NCAM2: variants seen among roughly 807,000 people sequenced by gnomAD.
NCAM2 encodes neural cell adhesion molecule 2, also known as N-CAM-2.
A neutral mutation model predicts 98.1 loss-of-function variants in NCAM2; 30 were observed. The observed-to-expected ratio is 0.31, with a 90% CI of 0.23 to 0.41. The LOEUF is 0.41. Ranked by LOEUF, NCAM2 falls within the 10% of genes least tolerant of loss-of-function variation. NCAM2 has a pLI of 1.00. For synonymous variants in NCAM2, 368 were observed against 342.4 expected (o/e 1.07, Z -0.83); for missense variants, 867 against 1,005.8 (o/e 0.86, Z 1.87).
intron 1 of NCAM2, among the ~76,000 whole-genome samples, chr21:21,226,401 A>G (rs2070385279): frequency 6.6e-6 from 1 of 152,146 alleles, no homozygotes; most frequent in Non-Finnish European, 1.5e-5. Flanking sequence ...TTAGGTTGAT[A>G]TTCATTACCT....
chr21:21,313,631 A>G (rs2074125918), intron 5 of NCAM2, among the ~76,000 whole-genome samples: 1 of 151,930 alleles, frequency 6.6e-6, no homozygotes, highest in African/African-American at 2.4e-5. Flanking sequence ...GTTAGGTTAT[A>G]TTTTATTCAT....
intron 1 of NCAM2, among the ~76,000 whole-genome samples, chr21:21,278,285 C>T (rs1324648135): frequency 2.0e-5 from 3 of 151,904 alleles, no homozygotes; most frequent in African/African-American, 7.3e-5. Flanking sequence ...ATTCCAGTAA[C>T]CCCATACATC....
intron 1 of NCAM2, among the ~76,000 whole-genome samples, chr21:21,191,756 A>T (rs2068830971): frequency 6.6e-6 from 1 of 152,210 alleles, no homozygotes; most frequent in South Asian, 2.1e-4. Flanking sequence ...TCTGTGCAGC[A>T]GGAAATAAAG....
At chr21:21,524,501 G>GC (rs1338899965) in intron 16 of NCAM2, among the ~76,000 whole-genome samples, 1 of 150,082 alleles carries the variant, frequency 6.7e-6, no homozygotes, top group East Asian at 1.9e-4. Context: ...TTGCACTCCA[G>GC]CCTATACAAC....
intron 1 of NCAM2, among the ~76,000 whole-genome samples, chr21:21,002,167 C>T (rs1045735711): frequency 2.0e-5 from 3 of 152,006 alleles, no homozygotes; most frequent in Admixed American, 6.6e-5. Context: ...CAGAGTAACC[C>T]AGAGGATTTC....
chr21:21,042,753 G>T (rs1241654048), intron 1 of NCAM2, among the ~76,000 whole-genome samples: 1 of 152,162 alleles, frequency 6.6e-6, no homozygotes, highest in Non-Finnish European at 1.5e-5. Context: ...AAATAAGGAA[G>T]AATTGGTGTG....
intron 8 of NCAM2, among the ~76,000 whole-genome samples, chr21:21,339,195 A>G (rs1225286130): frequency 6.6e-6 from 1 of 152,126 alleles, no homozygotes; most frequent in African/African-American, 2.4e-5. Context: ...TAAATTCAAA[A>G]AAGTCTGACT....
At position 21,278,058 on chromosome 21, in the gene NCAM2, A is replaced by T. The variant is rs138370285; in HGVS notation, c.56-2520A>T. On this transcript the variant is annotated intron_variant, in intron 1 of 17. Transcript: ENST00000400546. ...TTAACTGCAGGTTGAAGATGGCAAGATTAGATTTTGAGAAAGTACAGTTTT... is the reference window on the plus strand; with the variant it reads ...TTAACTGCAGGTTGAAGATGGCAAGTTTAGATTTTGAGAAAGTACAGTTTT... 3.1e-3 allele frequency among the ~76,000 whole-genome samples: 475 copies of T among 152,252 alleles called. 4 individuals carry two copies. Among genetic ancestry groups the T allele is most frequent in the East Asian group, 0.023 (117 of 5,174 alleles).
At chr21:21,391,049 G>T (rs2076369833) in intron 9 of NCAM2, among the ~76,000 whole-genome samples, 2 of 152,092 alleles carry the variant, frequency 1.3e-5, no homozygotes, top group South Asian at 4.1e-4. Flanking sequence ...TTTGATTTTA[G>T]TTATTCAATT....
chr21:21,446,466 C>T (rs1248712282), intron 12 of NCAM2, among the ~76,000 whole-genome samples: 1 of 151,980 alleles, frequency 6.6e-6, no homozygotes, highest in Non-Finnish European at 1.5e-5. Context: ...TCAGGTACTC[C>T]AATCAATCAT....
chr21:21,224,659 G>T (rs750830913), intron 1 of NCAM2, among the ~76,000 whole-genome samples: 1 of 151,928 alleles, frequency 6.6e-6, no homozygotes, highest in Non-Finnish European at 1.5e-5. Context: ...GGCAATATTT[G>T]GTAAAGTTTC....
At chr21:21,114,810 GT>G (rs1383693623) in intron 1 of NCAM2, among the ~76,000 whole-genome samples, 3 of 142,608 alleles carry the variant, frequency 2.1e-5, no homozygotes, top group Non-Finnish European at 4.5e-5. Context: ...CGCTCATTAT[GT>G]CTATTAAATT....
rs929151294 is a variant in NCAM2, at chr21:21,541,672, G to A, written c.*3715G>A. On this transcript the variant is annotated 3_prime_UTR_variant, in exon 18 of 18. Coordinates refer to ENST00000400546, the MANE Select transcript of NCAM2 (RefSeq NM_004540.5). ...TTTTGGCAATAAGATTATCACTGACGAAAATATGTACAGTTCAAGAAGTAG... is the reference window on the plus strand; with the variant it reads ...TTTTGGCAATAAGATTATCACTGACAAAAATATGTACAGTTCAAGAAGTAG... 5.9e-5 allele frequency: 9 copies of A among 151,466 alleles called. No homozygotes were observed. The highest frequency in any genetic ancestry group is 1.9e-4 in the East Asian group (1 of 5,170). The allele number at this position is 151,466 out of a possible 1,614,324, so 9.4% of individuals were successfully genotyped here.
rs138498130 is a variant in NCAM2 at position 21,502,047 on chromosome 21, G to A, written c.2078-6804G>A. Among the ~76,000 whole-genome samples, 564 of 151,846 alleles carry A rather than the reference G, an allele frequency of 3.7e-3. 3 individuals carry two copies. The highest frequency in any genetic ancestry group is 0.013 in the African/African-American group (535 of 41,478). On this transcript the variant is annotated intron_variant, in intron 15 of 17. Coordinates refer to ENST00000400546, the MANE Select transcript of NCAM2 (RefSeq NM_004540.5). ...ATTTCTACTGACTAAAGTATTTTGCGAGAAAAATTTTGCCTAGTTGTTTTG... is the reference window on the plus strand; with the variant it reads ...ATTTCTACTGACTAAAGTATTTTGCAAGAAAAATTTTGCCTAGTTGTTTTG...
chr21:21,408,755 A>C (rs2145905600), intron 9 of NCAM2, among the ~76,000 whole-genome samples: 1 of 152,140 alleles, frequency 6.6e-6, no homozygotes, highest in African/African-American at 2.4e-5. Context: ...AAGGTTATTA[A>C]AAATATTAAA....
chr21:21,390,246 G>GT (rs763498016), intron 9 of NCAM2, among the ~76,000 whole-genome samples: 172 of 151,928 alleles, frequency 1.1e-3, no homozygotes, highest in Non-Finnish European at 1.9e-3. Flanking sequence ...CCTTTATTCT[G>GT]TTTCTTTTTC....
intron 1 of NCAM2, among the ~76,000 whole-genome samples, chr21:21,157,005 C>A (rs1268087703): frequency 6.6e-6 from 1 of 152,010 alleles, no homozygotes; most frequent in Non-Finnish European, 1.5e-5. Context: ...GTTTCTGCAC[C>A]CGCAGGTTTT....
At chr21:21,019,915 G>C (rs528142551) in intron 1 of NCAM2, among the ~76,000 whole-genome samples, 1 of 152,214 alleles carries the variant, frequency 6.6e-6, no homozygotes, top group South Asian at 2.1e-4. Flanking sequence ...GTGGTGCAGG[G>C]CTTCATAGAT....
chr21:21,267,679 A>G (rs898043369), intron 1 of NCAM2, among the ~76,000 whole-genome samples: 3 of 152,108 alleles, frequency 2.0e-5, no homozygotes, highest in South Asian at 2.1e-4. Context: ...AATTACATAC[A>G]TTTGTCTTTG....
Sources: gnomAD v4.1 joint callset for allele counts (sites outside exome capture counted in the v4.1 genomes callset) on GRCh38, gnomAD v4.1.1 for gene constraint, MANE v1.5 for transcripts, NCBI Gene and HGNC (gene_info 2026-07-23, HGNC 2026-07-21) for gene names.